Variants in CACNA2D1 observed in about 807,000 individuals in gnomAD.
The protein encoded by CACNA2D1 is calcium voltage-gated channel auxiliary subunit alpha2delta 1.
In CACNA2D1, 53 loss-of-function variants were observed where a neutral mutation model predicts 171.5. That is an observed-to-expected ratio of 0.31 (90% CI 0.25 to 0.39). CACNA2D1 has a LOEUF of 0.39. Ranked by LOEUF, CACNA2D1 falls within the 10% of genes least tolerant of loss-of-function variation. CACNA2D1 has a pLI of 1.00. For synonymous variants in CACNA2D1, 442 were observed against 443.1 expected (o/e 1.00, Z 0.03); for missense variants, 903 against 1,299.8 (o/e 0.69, Z 4.69).
intron 3 of CACNA2D1, among the ~76,000 whole-genome samples, chr7:82,255,852 T>C (rs1489922129): frequency 1.3e-5 from 2 of 152,224 alleles, no homozygotes; most frequent in African/African-American, 4.8e-5. Context: ...CCTAAGTAAG[T>C]TAATACATTC....
At chr7:82,102,689 G>A (rs1424508117) in intron 6 of CACNA2D1, among the ~76,000 whole-genome samples, 2 of 152,166 alleles carry the variant, frequency 1.3e-5, no homozygotes, top group Admixed American at 6.5e-5. Context: ...CAAGGTCATG[G>A]GGCAGAAAGA....
Position 81,964,213 on chromosome 7 carries a change from T to G in CACNA2D1, c.2721A>C (p.Ala907=). ...GACCGTGGATATTACTGACCACATA[T>G]GCTGAGCGATGTCCTGCTCCTTGTT... ...APKQGAGHRS[A]YVPSVADILQ... The change falls in exon 33 of 39, where the codon GCA becomes GCC. Residue 907 remains alanine (A), a synonymous_variant. Transcript: ENST00000356860. 6.2e-7 allele frequency: 1 copy of G among 1,612,852 alleles called. No homozygotes were observed.
intron 4 of CACNA2D1, among the ~76,000 whole-genome samples, chr7:82,141,183 C>T (rs749521244): frequency 3.9e-5 from 6 of 151,944 alleles, no homozygotes; most frequent in Non-Finnish European, 8.8e-5. Context: ...CAGTCTTTCA[C>T]TAGGAGTTAT....
chr7:82,304,969 A>G (rs1021737308), intron 3 of CACNA2D1, among the ~76,000 whole-genome samples: 3 of 152,198 alleles, frequency 2.0e-5, no homozygotes, highest in Non-Finnish European at 4.4e-5. Context: ...ACAAAATATC[A>G]TGTGTACACC....
chr7:82,307,297 G>A (rs1372238824), intron 3 of CACNA2D1, among the ~76,000 whole-genome samples: 1 of 151,828 alleles, frequency 6.6e-6, no homozygotes, highest in Non-Finnish European at 1.5e-5. Context: ...GGAATTTACA[G>A]GTATGCGCCA....
At chr7:82,249,514 T>C (rs1247394508) in intron 3 of CACNA2D1, among the ~76,000 whole-genome samples, 3 of 152,196 alleles carry the variant, frequency 2.0e-5, no homozygotes, top group Admixed American at 6.5e-5. Context: ...AAGAAAGACA[T>C]TTCCTTGGTT....
intron 1 of CACNA2D1, among the ~76,000 whole-genome samples, chr7:82,380,155 G>C (rs1823527113): frequency 6.6e-6 from 1 of 152,020 alleles, no homozygotes; most frequent in Non-Finnish European, 1.5e-5. Context: ...GAAAGTTTTG[G>C]CATTAAAGCA....
At chr7:82,064,864 T>C (rs1236894294) in intron 8 of CACNA2D1, among the ~76,000 whole-genome samples, 1 of 152,230 alleles carries the variant, frequency 6.6e-6, no homozygotes, top group Non-Finnish European at 1.5e-5. Context: ...TCAATGGCTC[T>C]CAAACTTTAC....
intron 4 of CACNA2D1, among the ~76,000 whole-genome samples, chr7:82,149,543 A>G (rs897319303): frequency 2.0e-5 from 3 of 152,020 alleles, no homozygotes; most frequent in African/African-American, 7.2e-5. Flanking sequence ...ATCCACCCAT[A>G]CCAACTGTCA....
intron 3 of CACNA2D1, among the ~76,000 whole-genome samples, chr7:82,260,020 C>T (rs926757830): frequency 1.3e-5 from 2 of 152,036 alleles, no homozygotes; most frequent in Non-Finnish European, 2.9e-5. Context: ...GTCAGGAGTT[C>T]GAGACCAGCC....
At chr7:82,030,813 T>C (rs1207359671) in intron 12 of CACNA2D1, among the ~76,000 whole-genome samples, 2 of 151,918 alleles carry the variant, frequency 1.3e-5, no homozygotes, top group Non-Finnish European at 1.5e-5. Flanking sequence ...GTAAGATTAA[T>C]TTGTAAATTT....
chr7:82,114,465 G>A (rs1332666658), intron 6 of CACNA2D1, among the ~76,000 whole-genome samples: 1 of 152,116 alleles, frequency 6.6e-6, no homozygotes, highest in Non-Finnish European at 1.5e-5. Flanking sequence ...AGTAAAGAGG[G>A]CCGGCGTGGG....
intron 3 of CACNA2D1, among the ~76,000 whole-genome samples, chr7:82,225,347 T>G (rs1363017270): frequency 1.3e-5 from 2 of 152,200 alleles, no homozygotes; most frequent in Non-Finnish European, 2.9e-5. Flanking sequence ...AAAATTAATC[T>G]CACCACGTAG....
At chr7:82,174,434 G>A (rs535556961) in intron 3 of CACNA2D1, among the ~76,000 whole-genome samples, 5 of 152,130 alleles carry the variant, frequency 3.3e-5, no homozygotes, top group African/African-American at 9.6e-5. Context: ...AGTAATAGAT[G>A]TGTTAAGAAT....
At position 82,038,147 on chromosome 7, in the gene CACNA2D1, T is replaced by C. The variant is rs1562905478; in HGVS notation, c.968A>G (p.Asn323Ser). The C allele has an allele frequency of 6.2e-7, 1 of 1,613,434 alleles. No individual in the cohort carries two copies. Among genetic ancestry groups the C allele is most frequent in the Non-Finnish European group, 8.5e-7 (1 of 1,179,464 alleles). Residue 323 changes from asparagine to serine, a missense_variant, in exon 11 of 39, where the codon AAT (asparagine) becomes AGT (serine). Transcript: ENST00000356860. Reference protein sequence around the residue: ...RNKKVLKDAVNNITAKGITDY... With the variant: ...RNKKVLKDAVSNITAKGITDY... ...TGTAATTCCTTTGGCTGTGATATTA[T>C]TCACCGCGTCTTTCAACACTTTTTT... is the stretch of plus-strand genomic sequence containing the variant.
At chr7:82,166,066 A>G (rs1795428886) in intron 4 of CACNA2D1, among the ~76,000 whole-genome samples, 1 of 152,010 alleles carries the variant, frequency 6.6e-6, no homozygotes, top group South Asian at 2.1e-4. Flanking sequence ...TTCTGCTACA[A>G]TCAATAAAAA....
chr7:82,420,674 A>C (rs1011902456), intron 1 of CACNA2D1, among the ~76,000 whole-genome samples: 2 of 152,224 alleles, frequency 1.3e-5, no homozygotes, highest in Non-Finnish European at 2.9e-5. Context: ...TAAAAGGAAT[A>C]ATTGCTTTAA....
chr7:82,141,164 T>C (rs1452716122), intron 4 of CACNA2D1, among the ~76,000 whole-genome samples: 1 of 152,088 alleles, frequency 6.6e-6, no homozygotes, highest in Non-Finnish European at 1.5e-5. Flanking sequence ...CCAGCTATGT[T>C]AACTAAATCA....
At chr7:82,433,248 T>A (rs1829859768) in intron 1 of CACNA2D1, among the ~76,000 whole-genome samples, 1 of 151,708 alleles carries the variant, frequency 6.6e-6, no homozygotes, top group African/African-American at 2.4e-5. Context: ...AAGATGATAA[T>A]CTCTCCTAGG....
Sources: allele counts gnomAD v4.1 joint callset (sites outside exome capture counted in the v4.1 genomes callset), GRCh38; gene constraint gnomAD v4.1.1; transcripts MANE v1.5; gene names NCBI Gene and HGNC (gene_info 2026-07-23, HGNC 2026-07-21).